PARD3: variants seen among roughly 807,000 people sequenced by gnomAD.
PARD3 encodes the protein partitioning defective 3 homolog.
PARD3 carries 75 observed loss-of-function variants against 155.4 expected under a neutral mutation model. The ratio of observed to expected loss-of-function variants is 0.48; its 90% confidence interval spans 0.40 to 0.58. The LOEUF is 0.58. Among genes scored for constraint, PARD3 ranks in the 20% least tolerant of loss-of-function variants. The probability of loss-of-function intolerance (pLI) is 0.00; values close to 1 mark genes in which losing one functional copy is unlikely to be tolerated. For missense variants in PARD3, 1,642 were observed against 1,721.7 expected (o/e 0.95, Z 0.82); for synonymous variants, 576 against 610.5 (o/e 0.94, Z 0.83).
intron 7 of PARD3, among the ~76,000 whole-genome samples, chr10:34,387,189 C>CA (rs1485673175): frequency 2.0e-5 from 3 of 152,106 alleles, no homozygotes; most frequent in Non-Finnish European, 2.9e-5. Context: ...AATATTACTG[C>CA]AAATGTAAGT....
At chr10:34,533,115 T>C (rs1191701615) in intron 2 of PARD3, among the ~76,000 whole-genome samples, 1 of 152,214 alleles carries the variant, frequency 6.6e-6, no homozygotes, top group Non-Finnish European at 1.5e-5. Context: ...GGGATTATAA[T>C]CTTATGGGAC....
intron 19 of PARD3, among the ~76,000 whole-genome samples, chr10:34,329,118 T>C (rs1835347077): frequency 6.6e-6 from 1 of 152,136 alleles, no homozygotes; most frequent in Non-Finnish European, 1.5e-5. Flanking sequence ...CTCATTTTGT[T>C]TTTTAAAAAA....
At chr10:34,455,470 T>C (rs2077283223) in intron 4 of PARD3, among the ~76,000 whole-genome samples, 1 of 152,236 alleles carries the variant, frequency 6.6e-6, no homozygotes, top group South Asian at 2.1e-4. Flanking sequence ...ATTAGGAGAC[T>C]GAAGTAAAAT....
At chr10:34,273,262 A>G (rs1212085219) in intron 21 of PARD3, among the ~76,000 whole-genome samples, 1 of 152,208 alleles carries the variant, frequency 6.6e-6, no homozygotes, top group Admixed American at 6.5e-5. Flanking sequence ...AAACAAAAAA[A>G]ACAAAAAAAC....
intron 2 of PARD3, among the ~76,000 whole-genome samples, chr10:34,611,214 G>C (rs2090865561): frequency 6.6e-6 from 1 of 152,130 alleles, no homozygotes. Context: ...AACTGTGATG[G>C]CTGGTAAAAT....
In PARD3 at chr10:34,806,197, A is replaced by ATTT. The variant is rs34269930; in HGVS notation, c.120+8676_120+8678dup. Among the ~76,000 whole-genome samples the ATTT allele has an allele frequency of 2.5e-4, 32 of 130,354 alleles. 1 individual carries two copies. The highest frequency in any genetic ancestry group is 7.1e-4 in the African/African-American group (25 of 35,378). 85.5% of individuals were successfully genotyped at this position (130,354 alleles called of 152,430 possible). On this transcript the variant is annotated intron_variant, in intron 1 of 24. Coordinates refer to ENST00000374788, the MANE Select transcript of PARD3 (RefSeq NM_001184785.2). ...AGATGCACACAACCATGTCTGGCTA[A>ATTT]TTTTTTTTTTTTTTTTTTGAGATGA...
At chr10:34,411,367 C>T (rs955898924) in intron 5 of PARD3, among the ~76,000 whole-genome samples, 1 of 152,068 alleles carries the variant, frequency 6.6e-6, no homozygotes, top group Non-Finnish European at 1.5e-5. Context: ...GGTGTGTCTG[C>T]CAGGGTGTTT....
At chr10:34,116,895 C>T (rs932606870) in intron 24 of PARD3, among the ~76,000 whole-genome samples, 2 of 151,802 alleles carry the variant, frequency 1.3e-5, no homozygotes, top group African/African-American at 4.9e-5. Flanking sequence ...CTCTACCAGG[C>T]GCTTCCGCAG....
intron 3 of PARD3, among the ~76,000 whole-genome samples, chr10:34,471,763 T>G (rs966820150): frequency 1.3e-5 from 2 of 152,190 alleles, no homozygotes; most frequent in African/African-American, 2.4e-5. Context: ...TTCACCATGT[T>G]AGCCAGGCTG....
At chr10:34,662,905 T>C (rs2093359587) in intron 2 of PARD3, among the ~76,000 whole-genome samples, 1 of 146,674 alleles carries the variant, frequency 6.8e-6, no homozygotes, top group Non-Finnish European at 1.5e-5. Flanking sequence ...CTGAAGATCA[T>C]CATCTTAAGT....
At chr10:34,254,217 T>TA (rs1954510759) in intron 22 of PARD3, among the ~76,000 whole-genome samples, 1 of 151,894 alleles carries the variant, frequency 6.6e-6, no homozygotes, top group African/African-American at 2.4e-5. Context: ...CTATCTCTAC[T>TA]AAAAATACAA....
chr10:34,119,470 C>T, intron 24 of PARD3, 143 bp downstream of exon 24: 1 of 785,100 alleles, frequency 1.3e-6, no homozygotes. Flanking sequence ...GGAACAGTAG[C>T]CACGGGACAT....
At chr10:34,570,469 T>G (rs1221021245) in intron 2 of PARD3, among the ~76,000 whole-genome samples, 1 of 152,182 alleles carries the variant, frequency 6.6e-6, no homozygotes, top group East Asian at 1.9e-4. Context: ...TAACACAGAA[T>G]AGACTTTTCA....
chr10:34,617,649 A>G (rs1203386892), intron 2 of PARD3, among the ~76,000 whole-genome samples: 2 of 152,332 alleles, frequency 1.3e-5, no homozygotes, highest in South Asian at 2.1e-4. Context: ...ATTTGTCTAT[A>G]GATAACACAG....
intron 2 of PARD3, among the ~76,000 whole-genome samples, chr10:34,680,553 C>T (rs1039047315): frequency 9.3e-5 from 8 of 86,040 alleles, no homozygotes; most frequent in African/African-American, 3.3e-4. Context: ...AGTAAGACTC[C>T]GTCTAAAAAA....
chr10:34,359,467 C>T, intron 13 of PARD3, 150 bp from the exon 14 acceptor site: 1 of 589,954 alleles, frequency 1.7e-6, no homozygotes. Flanking sequence ...CAATTGAACG[C>T]TGGCATAATA....
At chr10:34,447,131 G>A (rs1239557816) in intron 5 of PARD3, among the ~76,000 whole-genome samples, 1 of 152,074 alleles carries the variant, frequency 6.6e-6, no homozygotes, top group East Asian at 1.9e-4. Flanking sequence ...CCAGGGAAAT[G>A]TAAATCAAAA....
intron 4 of PARD3, among the ~76,000 whole-genome samples, chr10:34,458,804 C>T (rs12261910): frequency 0.076 from 11,552 of 152,224 alleles, 1,322 homozygotes; most frequent in African/African-American, 0.25. Flanking sequence ...GCATGAACCA[C>T]AGCCTCCACT....
At chr10:34,457,548 C>T (rs1415177025) in intron 4 of PARD3, among the ~76,000 whole-genome samples, 1 of 152,102 alleles carries the variant, frequency 6.6e-6, no homozygotes, top group Admixed American at 6.5e-5. Flanking sequence ...GGATGACAAC[C>T]CATTCTCATG....
Sources: gnomAD v4.1 joint callset for allele counts (sites outside exome capture counted in the v4.1 genomes callset) on GRCh38, gnomAD v4.1.1 for gene constraint, MANE v1.5 for transcripts, NCBI Gene and HGNC (gene_info 2026-07-23, HGNC 2026-07-21) for gene names.